PHACTR1: variants seen among roughly 807,000 people sequenced by gnomAD.
The protein encoded by PHACTR1 is phosphatase and actin regulator 1.
A neutral mutation model predicts 69.2 loss-of-function variants in PHACTR1; 16 were observed. The observed-to-expected ratio is 0.23, with a 90% CI of 0.16 to 0.35. PHACTR1 has a LOEUF of 0.35. Among genes scored for constraint, PHACTR1 ranks in the 10% least tolerant of loss-of-function variants. The pLI, the probability that PHACTR1 is intolerant of heterozygous loss-of-function variation, is 1.00. For missense variants in PHACTR1, 510 were observed against 734.7 expected (o/e 0.69, Z 3.54); for synonymous variants, 312 against 284.5 (o/e 1.10, Z -0.97).
chr6:13,239,013 A>C (rs540632935), intron 10 of PHACTR1, among the ~76,000 whole-genome samples: 13 of 152,194 alleles, frequency 8.5e-5, no homozygotes, highest in Admixed American at 2.6e-4. Flanking sequence ...CACCATCATC[A>C]TCCTCCTCCT....
At chr6:13,135,815 G>A (rs1363019887) in intron 5 of PHACTR1, among the ~76,000 whole-genome samples, 1 of 151,898 alleles carries the variant, frequency 6.6e-6, no homozygotes, top group Non-Finnish European at 1.5e-5. Context: ...GAGCCCAGAA[G>A]TTCAAGACCA....
intron 10 of PHACTR1, among the ~76,000 whole-genome samples, chr6:13,234,096 C>T (rs890458460): frequency 9.9e-5 from 15 of 152,208 alleles, no homozygotes; most frequent in African/African-American, 3.6e-4. Flanking sequence ...AGGGACTATT[C>T]CCTTTAGAAC....
intron 4 of PHACTR1, among the ~76,000 whole-genome samples, chr6:12,906,387 A>G (rs1785737403): frequency 6.6e-6 from 1 of 152,206 alleles, no homozygotes; most frequent in South Asian, 2.1e-4. Flanking sequence ...CAAAAACCTC[A>G]TGTTTAAAGA....
Position 13,283,249 on chromosome 6 carries a change from A to G in PHACTR1, c.1510-173A>G. The G allele has an allele frequency of 1.5e-6, 1 of 685,078 alleles. No individual in the cohort carries two copies. The highest frequency in any genetic ancestry group is 1.9e-5 in the South Asian group (1 of 53,180). The allele number at this position is 685,078 out of a possible 1,614,324, so 42.4% of individuals were successfully genotyped here. A position where few individuals can be genotyped will look rare whatever the true frequency, so the allele number is the denominator to read the frequency against. On this transcript the variant is annotated intron_variant, in intron 12 of 14. Coordinates refer to ENST00000332995, the MANE Select transcript of PHACTR1 (RefSeq NM_030948.6). The surrounding 1 kb of genome is among the most constrained non-coding windows in gnomAD (Gnocchi z 4.7). The stretch of plus-strand genomic sequence containing the variant: ...AAACGTCCCACTCCCAAGAGTCAGG[A>G]GACTTGGGTCCCCCCACCCTGGCCC...
chr6:12,902,610 TTTTCTCCA>T (rs1205239600), intron 4 of PHACTR1, among the ~76,000 whole-genome samples: 1 of 152,176 alleles, frequency 6.6e-6, no homozygotes, highest in Non-Finnish European at 1.5e-5. Flanking sequence ...GTGGTATCAC[TTTTCTCCA>T]CATCTTTCCT....
intron 5 of PHACTR1, among the ~76,000 whole-genome samples, chr6:13,054,948 TG>T (rs1417916180): frequency 6.6e-6 from 1 of 152,208 alleles, no homozygotes; most frequent in East Asian, 1.9e-4. Flanking sequence ...TTCCATTTCT[TG>T]GGTTTCCTGC....
chr6:13,114,008 G>A (rs890439282), intron 5 of PHACTR1, among the ~76,000 whole-genome samples: 6 of 152,094 alleles, frequency 3.9e-5, no homozygotes, highest in Admixed American at 1.3e-4. Flanking sequence ...AAAACATAAA[G>A]GTCTGCAAAA....
intron 5 of PHACTR1, among the ~76,000 whole-genome samples, chr6:13,090,696 C>A (rs1813116632): frequency 6.6e-6 from 1 of 152,132 alleles, no homozygotes. Context: ...CTGGACCAAA[C>A]CTGGCCTCTT....
intron 4 of PHACTR1, among the ~76,000 whole-genome samples, chr6:12,884,011 C>T (rs1386573123): frequency 6.6e-6 from 1 of 151,830 alleles, no homozygotes; most frequent in African/African-American, 2.4e-5. Context: ...CACATAACCA[C>T]ACACATGTAG....
rs184471742 is a variant in PHACTR1, at chr6:12,919,167, G to A, written c.251-134198G>A. Among the ~76,000 whole-genome samples the A allele has an allele frequency of 2.3e-3, 355 of 151,756 alleles. 1 individual carries two copies. Among genetic ancestry groups the A allele is most frequent in the African/African-American group, 8.2e-3 (339 of 41,364 alleles). On this transcript the variant is annotated intron_variant, in intron 4 of 14. Coordinates refer to ENST00000332995, the MANE Select transcript of PHACTR1 (RefSeq NM_030948.6). ...TTTTTTATTTTTATTTTTTGAGATG[G>A]AGTCTCACTCTATTGCCCAGGCTGG...
intron 4 of PHACTR1, among the ~76,000 whole-genome samples, chr6:12,865,617 C>T (rs1043184166): frequency 2.0e-5 from 3 of 152,194 alleles, no homozygotes; most frequent in Non-Finnish European, 2.9e-5. Context: ...GAAGCTGTAA[C>T]AAAGCTTCAC....
At chr6:12,821,178 C>T (rs1206701520) in intron 4 of PHACTR1, among the ~76,000 whole-genome samples, 1 of 152,064 alleles carries the variant, frequency 6.6e-6, no homozygotes, top group African/African-American at 2.4e-5. Context: ...AAGCTGACCA[C>T]TGGCCAGGCG....
At chr6:12,991,992 TCTG>T (rs1473090497) in intron 4 of PHACTR1, among the ~76,000 whole-genome samples, 2 of 151,958 alleles carry the variant, frequency 1.3e-5, no homozygotes, top group Non-Finnish European at 2.9e-5. Context: ...CTAATTAGTA[TCTG>T]CTATTTTCTA....
chr6:12,718,204 T>C (rs1370643446), intron 2 of PHACTR1: 1 of 152,174 alleles, frequency 6.6e-6, no homozygotes, highest in Non-Finnish European at 1.5e-5. Context: ...TCAAAGCATT[T>C]GTACAGCAAA....
intron 5 of PHACTR1, among the ~76,000 whole-genome samples, chr6:13,106,108 A>G (rs140455969): frequency 1.3e-5 from 2 of 152,332 alleles, no homozygotes; most frequent in Non-Finnish European, 2.9e-5. Context: ...TGATTGCTGT[A>G]TCATTTTAAC....
At chr6:12,833,083 C>T (rs542368216) in intron 4 of PHACTR1, among the ~76,000 whole-genome samples, 13 of 152,088 alleles carry the variant, frequency 8.5e-5, no homozygotes, top group Non-Finnish European at 1.8e-4. Flanking sequence ...AGTCACTTCA[C>T]CTATGAGGTT....
chr6:12,811,240 G>A (rs1391244994), intron 4 of PHACTR1, among the ~76,000 whole-genome samples: 2 of 152,288 alleles, frequency 1.3e-5, no homozygotes, highest in South Asian at 2.1e-4. Context: ...ATTGAAAAAT[G>A]TACTAGATTA....
At position 13,228,002 on chromosome 6, in the gene PHACTR1, G is replaced by C; in HGVS notation, c.1173G>C (p.Leu391=). 1 of 1,613,958 alleles carries C rather than the reference G, an allele frequency of 6.2e-7. No homozygotes were observed. ...CAGACTACGAAGACTCTTCTTGCCT[G>C]TATACAAGAGAAGAGGAGGAAGAGG... The part of the protein sequence containing the change: ...HESDYEDSSC[L]YTREEEEEEE... Residue 391 remains leucine, a synonymous_variant, in exon 9 of 15, where the codon CTG becomes CTC. Coordinates refer to ENST00000332995, the MANE Select transcript of PHACTR1 (RefSeq NM_030948.6).
intron 10 of PHACTR1, among the ~76,000 whole-genome samples, chr6:13,239,847 G>A (rs1417596669): frequency 6.6e-6 from 1 of 152,180 alleles, no homozygotes; most frequent in African/African-American, 2.4e-5. Flanking sequence ...AGGAGAGGAG[G>A]CCCCGTCTGC....
Sources: allele counts gnomAD v4.1 joint callset (sites outside exome capture counted in the v4.1 genomes callset), GRCh38; gene constraint gnomAD v4.1.1; non-coding constraint Gnocchi (gnomAD v3.1); transcripts MANE v1.5; gene names NCBI Gene and HGNC (gene_info 2026-07-23, HGNC 2026-07-21).